NAA38: variants seen among roughly 807,000 people sequenced by gnomAD.
NAA38 encodes the protein LSM domain containing 1.
NAA38 carries 15 observed loss-of-function variants against 12.6 expected under a neutral mutation model. That is an observed-to-expected ratio of 1.19 (90% CI 0.79 to 1.83). NAA38 has a LOEUF of 1.83. Ranked by LOEUF, NAA38 falls within the 40% of genes most tolerant of loss-of-function variation. The probability of loss-of-function intolerance (pLI) is 0.00; values close to 1 mark genes in which losing one functional copy is unlikely to be tolerated. For missense variants in NAA38, 183 were observed against 171.7 expected, an observed-to-expected ratio of 1.07 and a Z score of -0.37; for synonymous variants, 88 against 69.9, an observed-to-expected ratio of 1.26 and a Z score of -1.29.
chr17:7,857,598 A>C, upstream of NAA38: 1 of 1,378,688 alleles, frequency 7.3e-7, no homozygotes, highest in Non-Finnish European at 9.3e-7. Flanking sequence ...TCTCCTCGGC[A>C]ACGGCACAGA....
chr17:7,865,384 A>T (rs1316079360), intron 3 of NAA38: 1 of 152,234 alleles, frequency 6.6e-6, no homozygotes, highest in Admixed American at 6.5e-5. Context: ...TATTCTAGTT[A>T]CCTACCACTG....
intron 1 of NAA38, chr17:7,885,046 G>GCCGCCA (rs1567824422): frequency 3.8e-6 from 4 of 1,049,022 alleles, no homozygotes; most frequent in Non-Finnish European, 4.6e-6. Context: ...CGCCGCCGCC[G>GCCGCCA]CCACCGCTGC....
At chr17:7,859,024 G>C (rs570474759), upstream of NAA38, 2 of 571,932 alleles carry the variant, frequency 3.5e-6, no homozygotes, top group Non-Finnish European at 6.1e-6. Flanking sequence ...AGGGGGACAA[G>C]AGACTCCTTT....
At chr17:7,858,797 G>A, upstream of NAA38, 5 of 1,564,912 alleles carry the variant, frequency 3.2e-6, no homozygotes, top group Non-Finnish European at 3.5e-6. Context: ...TCATTAACAC[G>A]CTCACGTCGC....
intron 2 of NAA38, among the ~76,000 whole-genome samples, chr17:7,872,390 G>C (rs761710052): frequency 1.3e-5 from 2 of 152,028 alleles, no homozygotes; most frequent in Non-Finnish European, 2.9e-5. Flanking sequence ...TTTGTTTTTT[G>C]AGACGGAGTC....
chr17:7,884,914 G>T, intron 1 of NAA38: 1 of 1,418,606 alleles, frequency 7.0e-7, no homozygotes. Context: ...AGGAGGAGGT[G>T]GAGGCGGCCG....
intron 2 of NAA38, among the ~76,000 whole-genome samples, chr17:7,882,023 GGA>G (rs763223199): frequency 3.3e-5 from 5 of 151,368 alleles, no homozygotes; most frequent in East Asian, 3.9e-4. Flanking sequence ...CAAGAGGTCA[GGA>G]GAGAGAGAGA....
upstream of NAA38, chr17:7,857,565 A>C: frequency 7.1e-7 from 1 of 1,405,942 alleles, no homozygotes; most frequent in Non-Finnish European, 9.2e-7. Flanking sequence ...CTTTCGCGAG[A>C]TCCCCTCTCC....
At chr17:7,866,443 T>G in intron 3 of NAA38, 3 of 1,229,258 alleles carry the variant, frequency 2.4e-6, no homozygotes, top group Non-Finnish European at 3.0e-6. Flanking sequence ...ATGTTAAAAG[T>G]CTTCAAAGGC....
chr17:7,877,916 A>G (rs1967203928), intron 2 of NAA38, among the ~76,000 whole-genome samples: 1 of 152,216 alleles, frequency 6.6e-6, no homozygotes, highest in Non-Finnish European at 1.5e-5. Context: ...TAAAAGTTCA[A>G]GTCCTGGTTC....
chr17:7,857,367 C>G lies in NAA38; in HGVS notation c.81+16G>C. The G allele has an allele frequency of 6.2e-7, 1 of 1,612,976 alleles. No homozygotes were observed. On this transcript the variant is annotated intron_variant, in intron 1 of 2. Transcript: ENST00000575771. ...CTTGACTGCCCCTCAGTCCCAGAAC[C>G]AGAGCCCGTGCTAACCCCAGCACTG...
chr17:7,877,738 T>C (rs1049721262), intron 2 of NAA38, among the ~76,000 whole-genome samples: 2 of 152,228 alleles, frequency 1.3e-5, no homozygotes, highest in African/African-American at 4.8e-5. Flanking sequence ...TAACACATAC[T>C]ATTAAATTGG....
intron 1 of NAA38, 35 bp from the exon 2 acceptor site, chr17:7,857,233 GCC>G: frequency 6.2e-7 from 1 of 1,610,724 alleles, no homozygotes; most frequent in South Asian, 1.1e-5. Context: ...AGACCGCGCA[GCC>G]CAGGCTGCCC....
intron 2 of NAA38, among the ~76,000 whole-genome samples, chr17:7,870,235 C>G (rs1411813904): frequency 2.6e-5 from 4 of 151,994 alleles, no homozygotes; most frequent in Non-Finnish European, 5.9e-5. Flanking sequence ...GCACTCCAGC[C>G]TGGGTGACAG....
rs781163674 is a variant in NAA38 at position 7,857,000 on chromosome 17, TC to T, written c.265+14del. The T allele has an allele frequency of 1.3e-6, 2 of 1,597,248 alleles. No homozygotes were observed. Among genetic ancestry groups the T allele is most frequent in the South Asian group, 2.2e-5 (2 of 90,318 alleles). On this transcript the variant is annotated intron_variant, in intron 2 of 2. Coordinates refer to ENST00000575771, the MANE Select transcript of NAA38 (RefSeq NM_001320925.4). ...GCCACATTACCAGGCGGGTGTGCATTCCCCGGGCACTGACCCGACGGCTTGA... is the reference window on the plus strand; with the variant it reads ...GCCACATTACCAGGCGGGTGTGCATTCCCGGGCACTGACCCGACGGCTTGA...
At chr17:7,862,806 C>T (rs932714078), upstream of NAA38, 2 of 150,972 alleles carry the variant, frequency 1.3e-5, no homozygotes, top group Non-Finnish European at 3.0e-5. Context: ...GCCAATCCAT[C>T]TGTCATTTCC....
upstream of NAA38, chr17:7,858,895 G>A: frequency 2.2e-6 from 3 of 1,374,504 alleles, no homozygotes; most frequent in African/African-American, 1.5e-5. Flanking sequence ...CCGATCTTCA[G>A]GGCAACATTT....
At chr17:7,868,688 T>C (rs1212397167) in intron 2 of NAA38, among the ~76,000 whole-genome samples, 1 of 152,152 alleles carries the variant, frequency 6.6e-6, no homozygotes, top group African/African-American at 2.4e-5. Flanking sequence ...AAAACCTTAG[T>C]TTTCTTTCCC....
intron 2 of NAA38, among the ~76,000 whole-genome samples, chr17:7,867,039 A>G (rs1966995740): frequency 6.6e-6 from 1 of 152,206 alleles, no homozygotes; most frequent in African/African-American, 2.4e-5. Context: ...GACAAGGAGG[A>G]GTCAGTCAAG....
Sources: allele counts gnomAD v4.1 joint callset (sites outside exome capture counted in the v4.1 genomes callset), GRCh38; gene constraint gnomAD v4.1.1; transcripts MANE v1.5; gene names NCBI Gene and HGNC (gene_info 2026-07-23, HGNC 2026-07-21).